TMF1: variants seen among roughly 807,000 people sequenced by gnomAD.
The protein encoded by TMF1 is TATA element modulatory factor.
A neutral mutation model predicts 126.5 loss-of-function variants in TMF1; 71 were observed. The ratio of observed to expected loss-of-function variants is 0.56; its 90% confidence interval spans 0.46 to 0.68. The LOEUF (loss-of-function observed/expected upper bound fraction) is 0.68, where lower values mean the gene tolerates loss of function less well. Among genes scored for constraint, TMF1 ranks in the 30% least tolerant of loss-of-function variants. TMF1 has a pLI of 0.00. For missense variants in TMF1, 1,259 were observed against 1,253.2 expected (o/e 1.00, Z -0.07); for synonymous variants, 461 against 430.5 (o/e 1.07, Z -0.88).
intron 15 of TMF1, among the ~76,000 whole-genome samples, chr3:69,024,615 T>C (rs1280789290): frequency 1.3e-5 from 2 of 152,150 alleles, no homozygotes; most frequent in Non-Finnish European, 2.9e-5. Flanking sequence ...GCATACCAGC[T>C]ATACAAACAT....
Position 69,038,628 on chromosome 3 carries a change from A to T in TMF1, c.2087T>A (p.Leu696His). 6.2e-7 allele frequency: 1 copy of T among 1,614,148 alleles called. No homozygotes were observed. Among genetic ancestry groups the T allele is most frequent in the Non-Finnish European group, 8.5e-7 (1 of 1,180,010 alleles). ...TTGGGCCTTCTCTAATGCTGCAGAA[A>T]GTTCTTCTTTAGCTTTCATTTCACG... ...LSREMKAKEE[L>H]SAALEKAQEE... is the part of the protein sequence containing the mutation. The change falls in exon 8 of 17, where the codon CTT becomes CAT. Residue 696 changes from leucine (L) to histidine (H), a missense_variant. Leu to His is a moderately conservative substitution (Grantham distance 99). Coordinates refer to ENST00000398559, the MANE Select transcript of TMF1 (RefSeq NM_007114.3).
intron 10 of TMF1, among the ~76,000 whole-genome samples, chr3:69,031,266 T>C (rs1432855506): frequency 6.6e-6 from 1 of 152,064 alleles, no homozygotes; most frequent in African/African-American, 2.4e-5. Context: ...GAGAGAGTGG[T>C]AGGTGTGTTT....
chr3:69,044,533 C>G lies in TMF1; in HGVS notation c.1410G>C (p.Lys470Asn). 1 of 1,605,340 alleles carries G rather than the reference C, an allele frequency of 6.2e-7. No individual in the cohort carries two copies. The highest frequency in any genetic ancestry group is 8.5e-7 in the Non-Finnish European group (1 of 1,177,552). The stretch of plus-strand genomic sequence containing the variant: ...AAGCTTCTTCTAGAAGTGCTTTTTC[C>G]TTACTAAGAGATAATAACTGAGCCT... ...KREAQLLSLS[K>N]EKALLEEAFD... Residue 470 changes from lysine (K) to asparagine (N), a missense_variant, in exon 3 of 17, where the codon AAG becomes AAC. Transcript: ENST00000398559.
chr3:69,047,740 G>C lies in TMF1; in HGVS notation c.965C>G (p.Ala322Gly). ...KLTESCCSSD[A>G]FERIDSFSVQ... Reference sequence around the variant, plus strand: ...ACTAAATGAGTCTATTCTTTCAAAAGCATCAGATGAACAGCAACTCTCAGT... The same window carrying C: ...ACTAAATGAGTCTATTCTTTCAAAACCATCAGATGAACAGCAACTCTCAGT... Residue 322 changes from alanine (A) to glycine (G), a missense_variant, in exon 2 of 17, where the codon GCT becomes GGT. Transcript: ENST00000398559. 6.2e-7 allele frequency: 1 copy of C among 1,614,004 alleles called. No individual in the cohort carries two copies.
intron 8 of TMF1, among the ~76,000 whole-genome samples, chr3:69,037,469 G>A (rs1037230925): frequency 2.6e-5 from 4 of 151,616 alleles, no homozygotes; most frequent in Non-Finnish European, 5.9e-5. Context: ...GTGAAGCCTC[G>A]TCTCTACTAA....
Position 69,039,552 on chromosome 3 carries a change from T to C in TMF1, c.1826A>G (p.Gln609Arg). The C allele has an allele frequency of 1.9e-6, 3 of 1,610,446 alleles. No individual in the cohort carries two copies. Among genetic ancestry groups the C allele is most frequent in the Non-Finnish European group, 2.5e-6 (3 of 1,179,236 alleles). Residue 609 changes from glutamine to arginine, a missense_variant and splice_region_variant, in exon 6 of 17, where the codon CAG becomes CGG. Coordinates refer to ENST00000398559, the MANE Select transcript of TMF1 (RefSeq NM_007114.3). ...TAGAGAATTATGATTGCTATTCACC[T>C]GTTTCAAATGCTGCAACTCCTCTTC... ...ELEEELQHLK[Q>R]VLDGKEEVEK...
At position 69,038,853 on chromosome 3, in the gene TMF1, T is replaced by C; in HGVS notation, c.1984A>G (p.Ser662Gly). The part of the protein sequence containing the change: ...KNRSIQAALD[S>G]AYKELTDLHK... ...TGTTCATTTTCTTACTTGTATGCACTATCCAGGGCAGCCTGAATACTTCGG... is the reference window on the plus strand; with the variant it reads ...TGTTCATTTTCTTACTTGTATGCACCATCCAGGGCAGCCTGAATACTTCGG... Residue 662 changes from serine (S) to glycine (G), a missense_variant, in exon 7 of 17, where the codon AGT becomes GGT. By Grantham distance (56) the Ser-to-Gly change is moderately conservative (BLOSUM62 0). Coordinates refer to ENST00000398559, the MANE Select transcript of TMF1 (RefSeq NM_007114.3). 6.3e-7 allele frequency: 1 copy of C among 1,598,166 alleles called. No homozygotes were observed. The highest frequency in any genetic ancestry group is 2.2e-5 in the East Asian group (1 of 44,644).
chr3:69,048,343 T>A lies in TMF1; in HGVS notation c.362A>T (p.Lys121Ile). 6.2e-7 allele frequency: 1 copy of A among 1,614,216 alleles called. No homozygotes were observed. Among genetic ancestry groups the A allele is most frequent in the Non-Finnish European group, 8.5e-7 (1 of 1,180,034 alleles). The change falls in exon 2 of 17, where the codon AAA becomes ATA. Residue 121 changes from lysine to isoleucine, a missense_variant. By Grantham distance (102) the Lys-to-Ile change is moderately radical. Transcript: ENST00000398559. ...KSPVVSKPPA[K>I]SQRPEEEVKS... ...CACTTCTTCTTCTGGTCGTTGTGATTTTGCTGGAGGTTTTGATACCACTGG... is the reference window on the plus strand; with the variant it reads ...CACTTCTTCTTCTGGTCGTTGTGATATTGCTGGAGGTTTTGATACCACTGG...
intron 15 of TMF1, chr3:69,025,089 G>A (rs1200765596): frequency 1.3e-5 from 2 of 153,350 alleles, no homozygotes; most frequent in African/African-American, 4.8e-5. Context: ...CATGTACAGG[G>A]TGTTACAGTT....
intron 8 of TMF1, 186 bp from the exon 9 acceptor site, chr3:69,035,301 C>A: frequency 8.9e-6 from 5 of 562,138 alleles, no homozygotes; most frequent in South Asian, 4.6e-5. Context: ...TATGTATATT[C>A]AATGTTTACT....
At chr3:69,031,794 G>A (rs1377830420) in intron 10 of TMF1, among the ~76,000 whole-genome samples, 2 of 152,048 alleles carry the variant, frequency 1.3e-5, no homozygotes, top group African/African-American at 4.8e-5. Flanking sequence ...AGCATTCCTT[G>A]GTATGTTTGT....
In TMF1 at chr3:69,047,849, G is replaced by C; in HGVS notation, c.856C>G (p.Leu286Val). 6.2e-7 allele frequency: 1 copy of C among 1,613,996 alleles called. No individual in the cohort carries two copies. Among genetic ancestry groups the C allele is most frequent in the Non-Finnish European group, 8.5e-7 (1 of 1,180,004 alleles). The part of the protein sequence containing the change: ...RQETTDSKSS[L>V]HLMQTSFQLL... ...TGAAAAGATGTCTGCATCAAGTGAA[G>C]ACTTGATTTTGAATCTGTAGTCTCT... is the stretch of plus-strand genomic sequence containing the variant. The change falls in exon 2 of 17, where the codon CTT (leucine) becomes GTT (valine). Residue 286 changes from leucine (L) to valine (V), a missense_variant. By Grantham distance (32) the Leu-to-Val change is conservative (BLOSUM62 1). Transcript: ENST00000398559.
At position 69,021,079 on chromosome 3, in the gene TMF1, G is replaced by GTACAA. The variant is rs2091726727; in HGVS notation, c.*2097_*2098insTTGTA. On this transcript the variant is annotated 3_prime_UTR_variant, in exon 17 of 17. Coordinates refer to ENST00000398559, the MANE Select transcript of TMF1 (RefSeq NM_007114.3). ...ACGGTCAACCACAGTCTGATTACAG[G>GTACAA]TGAGTACAGTACAATAAGATATTTT... 2 of 152,170 alleles carry GTACAA rather than the reference G, an allele frequency of 1.3e-5. No individual in the cohort carries two copies. The highest frequency in any genetic ancestry group is 2.9e-5 in the Non-Finnish European group (2 of 68,028). The allele number at this position is 152,170 out of a possible 1,614,324, so 9.4% of individuals were successfully genotyped here.
At chr3:69,043,724 T>G in intron 4 of TMF1, 26 bp downstream of exon 4, 2 of 1,582,452 alleles carry the variant, frequency 1.3e-6, no homozygotes, top group Non-Finnish European at 1.7e-6. Context: ...TAGAGTTTAA[T>G]TAATATTACT....
At chr3:69,034,505 G>A (rs915955130) in intron 9 of TMF1, among the ~76,000 whole-genome samples, 2 of 151,966 alleles carry the variant, frequency 1.3e-5, no homozygotes, top group Non-Finnish European at 2.9e-5. Flanking sequence ...AAATAAATAA[G>A]TGCTTCTTTA....
At chr3:69,033,815 A>G in intron 9 of TMF1, 111 bp from the exon 10 acceptor site, 1 of 1,035,000 alleles carries the variant, frequency 9.7e-7, no homozygotes, top group Non-Finnish European at 1.4e-6. Flanking sequence ...CCAAGAGAAA[A>G]TAATTTGCTT....
Position 69,048,349 on chromosome 3 carries a change from G to A in TMF1, c.356C>T (p.Pro119Leu), listed in dbSNP as rs764372262. ...IQKSPVVSKP[P>L]AKSQRPEEEV... ...TTCTTCTGGTCGTTGTGATTTTGCT[G>A]GAGGTTTTGATACCACTGGACTCTT... Residue 119 changes from proline (P) to leucine (L), a missense_variant, in exon 2 of 17, where the codon CCA (proline) becomes CTA (leucine). Physicochemically the swap from Pro to Leu is moderately conservative, Grantham distance 98. Coordinates refer to ENST00000398559, the MANE Select transcript of TMF1 (RefSeq NM_007114.3). 2 of 1,614,142 alleles carry A rather than the reference G, an allele frequency of 1.2e-6. No homozygotes were observed. Among genetic ancestry groups the A allele is most frequent in the Non-Finnish European group, 1.7e-6 (2 of 1,180,024 alleles).
chr3:69,037,507 T>G (rs1007868870), intron 8 of TMF1, among the ~76,000 whole-genome samples: 2 of 151,944 alleles, frequency 1.3e-5, no homozygotes, highest in African/African-American at 4.8e-5. Flanking sequence ...CCGGGCATGG[T>G]GGTGGGCACC....
chr3:69,041,235 A>T (rs1453784881), intron 5 of TMF1, among the ~76,000 whole-genome samples: 1 of 152,226 alleles, frequency 6.6e-6, no homozygotes. Flanking sequence ...TGAGAAAATA[A>T]TTATAACAAC....
Sources: allele counts gnomAD v4.1 joint callset (sites outside exome capture counted in the v4.1 genomes callset), GRCh38; gene constraint gnomAD v4.1.1; transcripts MANE v1.5; gene names NCBI Gene and HGNC (gene_info 2026-07-23, HGNC 2026-07-21).